MTMR11: variants seen among roughly 807,000 people sequenced by gnomAD.
The protein encoded by MTMR11 is myotubularin related protein 11, also known as myotubularin-related protein 11.
A neutral mutation model predicts 100.0 loss-of-function variants in MTMR11; 89 were observed. The observed-to-expected ratio is 0.89, with a 90% CI of 0.75 to 1.06. The LOEUF is 1.06. Ranked by LOEUF, MTMR11 falls within the 50% of genes least tolerant of loss-of-function variation. The pLI, the probability that MTMR11 is intolerant of heterozygous loss-of-function variation, is 0.00. For missense variants in MTMR11, 809 were observed against 873.7 expected, an observed-to-expected ratio of 0.93 and a Z score of 0.93; for synonymous variants, 336 against 326.3, an observed-to-expected ratio of 1.03 and a Z score of -0.32.
chr1:149,934,385 C>T, intron 6 of MTMR11, 59 bp from the exon 7 acceptor site: 2 of 1,613,618 alleles, frequency 1.2e-6, no homozygotes, highest in Non-Finnish European at 1.7e-6. Context: ...CTTCTCAGCT[C>T]TTTGTCATCA....
Position 149,933,475 on chromosome 1 carries a change from TA to T in MTMR11, c.915del (p.Met306TrpfsTer15). On this transcript the variant is annotated frameshift_variant, in exon 10 of 17. Coordinates refer to ENST00000439741, the MANE Select transcript of MTMR11 (RefSeq NM_001145862.2). LOFTEE classifies it high-confidence loss of function. Reference sequence around the variant, plus strand: ...TCTGCAAGGCTGGGCAGCTCATCCATAGTGTCTACCAGGACAACATCTGAAT... The same window carrying T: ...TCTGCAAGGCTGGGCAGCTCATCCATGTGTCTACCAGGACAACATCTGAAT... The part of the protein sequence containing the change: ...AGHSDVVLVD[T>X]MDELPSLADV... 1.2e-6 allele frequency: 2 copies of T among 1,614,054 alleles called. No individual in the cohort carries two copies. Among genetic ancestry groups the T allele is most frequent in the Middle Eastern group, 1.6e-4 (1 of 6,062 alleles).
chr1:149,936,313 C>T (rs2092722034), intron 1 of MTMR11, 84 bp from the exon 2 acceptor site: 2 of 1,578,254 alleles, frequency 1.3e-6, no homozygotes, highest in African/African-American at 1.4e-5. Flanking sequence ...TAGAGGCCTA[C>T]ACTCACACTC....
In MTMR11 at chr1:149,929,767, A is replaced by G. The variant is rs1553766996; in HGVS notation, c.1797T>C (p.Ser599=). The change falls in exon 16 of 17, where the codon TCT becomes TCC. Residue 599 remains serine, a synonymous_variant. Coordinates refer to ENST00000439741, the MANE Select transcript of MTMR11 (RefSeq NM_001145862.2). ...CCCATTCCTGGTCAGCCAGGCTTTC[A>G]GAGGAGATAGCAGGTCGAGGGAGCC... ...SRWLPRPAIS[S]ESLADQEWGL... 2 of 1,614,180 alleles carry G rather than the reference A, an allele frequency of 1.2e-6. No homozygotes were observed. Among genetic ancestry groups the G allele is most frequent in the Admixed American group, 3.3e-5 (2 of 60,018 alleles).
At position 149,935,318 on chromosome 1, in the gene MTMR11, G is replaced by A. The variant is rs1553768839; in HGVS notation, c.306C>T (p.Asn102=). ...ACTTACCAGCCTCTAATCGTCCAAT[G>A]TTGACCAGGGCAAAATCGTATTCAC... is the stretch of plus-strand genomic sequence containing the variant. ...LNSEYDFALV[N]IGRLEAVSGL... is the part of the protein sequence containing the mutation. Residue 102 remains asparagine, a synonymous_variant, in exon 4 of 17, where the codon AAC becomes AAT. Transcript: ENST00000439741. The A allele has an allele frequency of 1.2e-6, 2 of 1,613,588 alleles. No individual in the cohort carries two copies. Among genetic ancestry groups the A allele is most frequent in the South Asian group, 1.1e-5 (1 of 91,064 alleles).
chr1:149,930,229 A>G lies in MTMR11; in HGVS notation c.1647+136T>C, dbSNP rs371435918. On this transcript the variant is annotated intron_variant, in intron 15 of 16. Coordinates refer to ENST00000439741, the MANE Select transcript of MTMR11 (RefSeq NM_001145862.2). ...GTCTTCCTAGGGACACCCAGGGACT[A>G]TAAGTGACAGCTGCAGAAGAGTAGT... 2.8e-4 allele frequency: 263 copies of G among 954,072 alleles called. 1 individual carries two copies. Among genetic ancestry groups the G allele is most frequent in the Non-Finnish European group, 3.6e-4 (228 of 634,034 alleles). The allele number at this position is 954,072 out of a possible 1,614,324, so 59.1% of individuals were successfully genotyped here.
chr1:149,929,439 A>T, intron 16 of MTMR11, 122 bp from the exon 17 acceptor site: 1 of 1,209,922 alleles, frequency 8.3e-7, no homozygotes, highest in Non-Finnish European at 1.2e-6. Context: ...AATTCCACTT[A>T]ATCTAAGCCA....
At chr1:149,934,081 T>C in intron 7 of MTMR11, 110 bp downstream of exon 7, 1 of 1,567,066 alleles carries the variant, frequency 6.4e-7, no homozygotes, top group Non-Finnish European at 8.8e-7. Flanking sequence ...GGAGATAGCT[T>C]TGTGGGTGTC....
intron 16 of MTMR11, 129 bp downstream of exon 16, chr1:149,929,494 G>A: frequency 2.4e-6 from 3 of 1,276,334 alleles, no homozygotes; most frequent in Non-Finnish European, 3.3e-6. Flanking sequence ...CTTGTTTGAT[G>A]CCAAGAGGAG....
At chr1:149,936,503 C>G in intron 1 of MTMR11, 79 bp downstream of exon 1, 3 of 1,283,950 alleles carry the variant, frequency 2.3e-6, no homozygotes, top group Non-Finnish European at 3.3e-6. Context: ...TCCTCTAGAG[C>G]CTTTGCTTCC....
In MTMR11 at chr1:149,936,637, C is replaced by T; in HGVS notation, c.11G>A (p.Gly4Glu). The change falls in exon 1 of 17, where the codon GGG becomes GAG. Residue 4 changes from glycine (G) to glutamate (E), a missense_variant. Gly to Glu is a moderately conservative substitution (Grantham distance 98, BLOSUM62 -2). Coordinates refer to ENST00000439741, the MANE Select transcript of MTMR11 (RefSeq NM_001145862.2). MWWGGRGQSFNIAP... is the reference protein window; with the variant it reads MWWEGRGQSFNIAP... ...AATGTTGAAACTCTGGCCCCGGCCC[C>T]CCCACCACATTTCTCTGGCTCCATC... 1 of 1,543,010 alleles carries T rather than the reference C, an allele frequency of 6.5e-7. No homozygotes were observed. The highest frequency in any genetic ancestry group is 1.2e-5 in the South Asian group (1 of 83,854).
intron 2 of MTMR11, 128 bp from the exon 3 acceptor site, chr1:149,935,833 A>C: frequency 1.8e-6 from 2 of 1,136,898 alleles, no homozygotes; most frequent in Non-Finnish European, 2.5e-6. Flanking sequence ...GCCCACTACA[A>C]TGTAAGCTTA....
chr1:149,930,534 G>A lies in MTMR11; in HGVS notation c.1478C>T (p.Thr493Ile), dbSNP rs114842926. Reference sequence around the variant, plus strand: ...GGAGTATCCTGGGGTGTAGACTTGTGTATAGGAGTTTAACTGGACAGAGGA... The same window carrying A: ...GGAGTATCCTGGGGTGTAGACTTGTATATAGGAGTTTAACTGGACAGAGGA... Reference protein sequence around the residue: ...GKQSGQLNSYTQVYTPGYSQP... With the variant: ...GKQSGQLNSYIQVYTPGYSQP... Residue 493 changes from threonine (T) to isoleucine (I), a missense_variant, in exon 15 of 17, where the codon ACA becomes ATA. Coordinates refer to ENST00000439741, the MANE Select transcript of MTMR11 (RefSeq NM_001145862.2). 3,199 of 1,612,660 alleles carry A rather than the reference G, an allele frequency of 2.0e-3. 8 individuals carry two copies. The highest frequency in any genetic ancestry group is 2.4e-3 in the Non-Finnish European group (2,867 of 1,179,220).
At chr1:149,934,647 C>G in intron 5 of MTMR11, 121 bp from the exon 6 acceptor site, 2 of 1,096,944 alleles carry the variant, frequency 1.8e-6, no homozygotes, top group East Asian at 2.6e-5. Context: ...TGAAGACAGT[C>G]CCTAGAGAAG....
Position 149,929,188 on chromosome 1 carries a change from G to T in MTMR11, c.2071C>A (p.Leu691Ile), listed in dbSNP as rs781881631. The change falls in exon 17 of 17, where the codon CTC (leucine) becomes ATC (isoleucine). Residue 691 changes from leucine (L) to isoleucine (I), a missense_variant. Coordinates refer to ENST00000439741, the MANE Select transcript of MTMR11 (RefSeq NM_001145862.2). ...ATGCCAGCAATTTCAGTGGGATTGA[G>T]AATGGTATGTGGATCTCTTTTCTTG... ...HSKKRDPHTI[L>I]NPTEIAGILK... The T allele has an allele frequency of 4.3e-6, 7 of 1,613,998 alleles. No individual in the cohort carries two copies. The South Asian group carries it at 7.7e-5, about 18-fold the overall frequency.
At chr1:149,934,057 A>G in intron 7 of MTMR11, 115 bp from the exon 8 acceptor site, 1 of 1,544,180 alleles carries the variant, frequency 6.5e-7, no homozygotes, top group Non-Finnish European at 8.9e-7. Flanking sequence ...AGGTTTAGGG[A>G]TCTAGGAGGC....
In MTMR11 at chr1:149,929,093, CAAAA is replaced by C. The variant is rs78362386; in HGVS notation, c.*32_*35del. The C allele has an allele frequency of 6.5e-5, 92 of 1,426,270 alleles. No individual in the cohort carries two copies. The highest frequency in any genetic ancestry group is 2.1e-4 in the South Asian group (15 of 72,320). 88.4% of individuals were successfully genotyped at this position (1,426,270 alleles called of 1,614,324 possible). On this transcript the variant is annotated 3_prime_UTR_variant, in exon 17 of 17. Coordinates refer to ENST00000439741, the MANE Select transcript of MTMR11 (RefSeq NM_001145862.2). ...AAAGCTGAGGCTGCAAGTGCAGATA[CAAAA>C]AAAAAAAAAAAAGATTAGACAGAAC...
In MTMR11 at chr1:149,932,003, C is replaced by A. The variant is rs587659260; in HGVS notation, c.1064G>T (p.Arg355Leu). Residue 355 changes from arginine to leucine, a missense_variant, in exon 12 of 17, where the codon CGA becomes CTA. Transcript: ENST00000439741. Reference sequence around the variant, plus strand: ...TAATACTGAAATGTCACTGGCCTTTCGAAGACAAGCCCTGGAGGAGCAGGT... The same window carrying A: ...TAATACTGAAATGTCACTGGCCTTTAGAAGACAAGCCCTGGAGGAGCAGGT... ...RWLDYVRACL[R>L]KASDISVLVT... 1 of 1,613,656 alleles carries A rather than the reference C, an allele frequency of 6.2e-7. No homozygotes were observed. The highest frequency in any genetic ancestry group is 8.5e-7 in the Non-Finnish European group (1 of 1,179,608).
intron 12 of MTMR11, 105 bp from the exon 13 acceptor site, chr1:149,931,531 G>A: frequency 8.9e-7 from 1 of 1,119,442 alleles, no homozygotes; most frequent in Non-Finnish European, 1.3e-6. Flanking sequence ...AGGCACAGAG[G>A]GGAAAGGTTT....
In MTMR11 at chr1:149,933,499, A is replaced by G; in HGVS notation, c.892T>C (p.Ser298Pro). The change falls in exon 10 of 17, where the codon TCA becomes CCA. Residue 298 changes from serine to proline, a missense_variant. Physicochemically the swap from Ser to Pro is moderately conservative, Grantham distance 74. Coordinates refer to ENST00000439741, the MANE Select transcript of MTMR11 (RefSeq NM_001145862.2). Reference protein sequence around the residue: ...AVELMLQAGHSDVVLVDTMDE... With the variant: ...AVELMLQAGHPDVVLVDTMDE... ...ATAGTGTCTACCAGGACAACATCTG[A>G]ATGCCCAGCCTGGAGCATCAACTCC... 1 of 1,614,070 alleles carries G rather than the reference A, an allele frequency of 6.2e-7. No homozygotes were observed. The highest frequency in any genetic ancestry group is 8.5e-7 in the Non-Finnish European group (1 of 1,179,976).
Sources: allele counts gnomAD v4.1 joint callset, GRCh38; gene constraint gnomAD v4.1.1; transcripts MANE v1.5; gene names NCBI Gene and HGNC (gene_info 2026-07-23, HGNC 2026-07-21).